SYNJ2: variants seen among roughly 807,000 people sequenced by gnomAD.
The protein encoded by SYNJ2 is synaptojanin 2, also known as polyphosphatidylinositol phosphatase SYNJ2.
SYNJ2 carries 116 observed loss-of-function variants against 141.3 expected under a neutral mutation model. That is an observed-to-expected ratio of 0.82 (90% CI 0.71 to 0.96). The LOEUF (loss-of-function observed/expected upper bound fraction) is 0.96, where lower values mean the gene tolerates loss of function less well. Ranked by LOEUF, SYNJ2 falls within the 40% of genes least tolerant of loss-of-function variation. The probability of loss-of-function intolerance (pLI) is 0.00; values close to 1 mark genes in which losing one functional copy is unlikely to be tolerated. For synonymous variants in SYNJ2, 745 were observed against 777.7 expected (o/e 0.96, Z 0.70); for missense variants, 1,873 against 1,934.8 (o/e 0.97, Z 0.60).
chr6:158,080,976 C>A, intron 18 of SYNJ2, 133 bp from the exon 19 acceptor site: 1 of 804,778 alleles, frequency 1.2e-6, no homozygotes, highest in Non-Finnish European at 2.1e-6. Flanking sequence ...TTACAAAGAG[C>A]CCTGGGGGAC....
At chr6:158,061,279 G>A (rs1781200428) in intron 7 of SYNJ2, among the ~76,000 whole-genome samples, 2 of 152,234 alleles carry the variant, frequency 1.3e-5, no homozygotes, top group African/African-American at 4.8e-5. Flanking sequence ...AAGCCGGGTG[G>A]CCTGGGTAGG....
chr6:158,090,688 G>A (rs982096360), intron 25 of SYNJ2, among the ~76,000 whole-genome samples: 1 of 151,730 alleles, frequency 6.6e-6, no homozygotes, highest in African/African-American at 2.4e-5. Context: ...GGGACTACAG[G>A]CGCGCAGCCC....
chr6:158,039,180 T>C (rs1463812695), intron 4 of SYNJ2, among the ~76,000 whole-genome samples: 5 of 152,254 alleles, frequency 3.3e-5, no homozygotes, highest in Non-Finnish European at 7.3e-5. Flanking sequence ...TTTTTGTTTA[T>C]GTCACTTTAT....
At chr6:158,064,381 CAG>C (rs1341482623) in intron 9 of SYNJ2, among the ~76,000 whole-genome samples, 1 of 151,902 alleles carries the variant, frequency 6.6e-6, no homozygotes, top group Non-Finnish European at 1.5e-5. Flanking sequence ...GTTCAAGTGT[CAG>C]GGGGTGAGAG....
At chr6:158,088,888 A>C in intron 24 of SYNJ2, 116 bp downstream of exon 24, 1 of 726,928 alleles carries the variant, frequency 1.4e-6, no homozygotes, top group Non-Finnish European at 2.3e-6. Context: ...CCTGCTCACC[A>C]TCTCATCTCC....
At position 158,076,750 on chromosome 6, in the gene SYNJ2, G is replaced by T. The variant is rs1782320707; in HGVS notation, c.2417G>T (p.Trp806Leu). ...RTPAWTDRVL[W>L]WRKKHPFDKT... ...CCCGCCTGGACAGACAGGGTGCTGT[G>T]GTGGAGGAAGAAACATCCCTTTGAT... is the stretch of plus-strand genomic sequence containing the variant. The change falls in exon 17 of 27, where the codon TGG (tryptophan) becomes TTG (leucine). Residue 806 changes from tryptophan (W) to leucine (L), a missense_variant. By Grantham distance (61) the Trp-to-Leu change is moderately conservative (BLOSUM62 -2). Coordinates refer to ENST00000355585, the MANE Select transcript of SYNJ2 (RefSeq NM_003898.4). The T allele has an allele frequency of 2.5e-6, 4 of 1,613,754 alleles. No homozygotes were observed. The highest frequency in any genetic ancestry group is 2.5e-6 in the Non-Finnish European group (3 of 1,179,846).
rs561173627 is a variant in SYNJ2, at chr6:158,049,073, G to C, written c.795+5674G>C. ...TGGAGGTGCTGTCTGCGATCCTTGGGCCTCTTGAGTGCTGATCGAGACTCT... is the reference window on the plus strand; with the variant it reads ...TGGAGGTGCTGTCTGCGATCCTTGGCCCTCTTGAGTGCTGATCGAGACTCT... On this transcript the variant is annotated intron_variant, in intron 5 of 26. Coordinates refer to ENST00000355585, the MANE Select transcript of SYNJ2 (RefSeq NM_003898.4). Among the ~76,000 whole-genome samples, 4 of 152,226 alleles carry C rather than the reference G, an allele frequency of 2.6e-5. No individual in the cohort carries two copies. In the South Asian group the frequency reaches 8.3e-4, roughly 32 times the overall value.
At chr6:158,028,545 C>T (rs947374921) in intron 2 of SYNJ2, 1 of 619,130 alleles carries the variant, frequency 1.6e-6, no homozygotes, top group Non-Finnish European at 2.8e-6. Flanking sequence ...ACTTGCTGGC[C>T]AGGGTCCCAC....
chr6:158,019,223 G>A (rs985269171), intron 2 of SYNJ2, among the ~76,000 whole-genome samples: 2 of 152,160 alleles, frequency 1.3e-5, no homozygotes, highest in Non-Finnish European at 2.9e-5. Flanking sequence ...ACTGGGATTC[G>A]ACGAATTACA....
At chr6:158,067,614 T>C (rs1280546550) in intron 12 of SYNJ2, 1 of 985,402 alleles carries the variant, frequency 1.0e-6, no homozygotes, top group African/African-American at 1.7e-5. Context: ...TGGTTCAGGT[T>C]TTTGCCTGTT....
At position 158,095,950 on chromosome 6, in the gene SYNJ2, CACTT is replaced by C. The variant is rs758423505; in HGVS notation, c.4080_4083del (p.Tyr1361IlefsTer39). 40 of 1,614,042 alleles carry C rather than the reference CACTT, an allele frequency of 2.5e-5. No homozygotes were observed. The Admixed American group carries it at 6.5e-4, about 26-fold the overall frequency. Reference sequence around the variant, plus strand: ...GCAACAGCCAGCTTCTCCAGGGCCTCACTTACAATAGCAGTGACAGCCCCTCTGG... The same window carrying C: ...GCAACAGCCAGCTTCTCCAGGGCCTCACAATAGCAGTGACAGCCCCTCTGG... On this transcript the variant is annotated frameshift_variant, in exon 27 of 27. Transcript: ENST00000355585. LOFTEE classifies it low-confidence loss of function (END_TRUNC).
At position 158,098,165 on chromosome 6, in the gene SYNJ2, G is replaced by A. The variant is rs973070207; in HGVS notation, c.*1801G>A. Reference sequence around the variant, plus strand: ...TATAACCTCTTTTCTCACCAAAAAGGAGATAAATTTGAAAACAGATAAATG... The same window carrying A: ...TATAACCTCTTTTCTCACCAAAAAGAAGATAAATTTGAAAACAGATAAATG... On this transcript the variant is annotated 3_prime_UTR_variant, in exon 27 of 27. Coordinates refer to ENST00000355585, the MANE Select transcript of SYNJ2 (RefSeq NM_003898.4). 5.9e-5 allele frequency: 9 copies of A among 152,160 alleles called. No homozygotes were observed. Among genetic ancestry groups the A allele is most frequent in the Non-Finnish European group, 1.3e-4 (9 of 68,012 alleles). 9.4% of individuals were successfully genotyped at this position (152,160 alleles called of 1,614,324 possible).
Position 158,027,450 on chromosome 6 carries a change from G to C in SYNJ2, c.215-1306G>C, listed in dbSNP as rs1404328371. 6.5e-6 allele frequency: 1 copy of C among 153,856 alleles called. No individual in the cohort carries two copies. The highest frequency in any genetic ancestry group is 1.4e-5 in the Non-Finnish European group (1 of 69,566). The allele number at this position is 153,856 out of a possible 1,614,324, so 9.5% of individuals were successfully genotyped here. On this transcript the variant is annotated intron_variant, in intron 2 of 26. Coordinates refer to ENST00000355585, the MANE Select transcript of SYNJ2 (RefSeq NM_003898.4). The surrounding 1 kb of genome is among the most constrained non-coding windows in gnomAD (Gnocchi z 4.6). The stretch of plus-strand genomic sequence containing the variant: ...CCACCAGGCACCCCCGATACGCAGC[G>C]TGTTGTGAAGTGCCCTTGTGAGCAG...
chr6:158,095,974 C>T lies in SYNJ2; in HGVS notation c.4101C>T (p.Pro1367=), dbSNP rs1408969440. ...TCACTTACAATAGCAGTGACAGCCC[C>T]TCTGGGCACCCACCTGCCGCGGGCA... ...QGLTYNSSDS[P]SGHPPAAGTV... Residue 1367 remains proline, a synonymous_variant, in exon 27 of 27, where the codon CCC becomes CCT. Transcript: ENST00000355585. 3 of 1,614,082 alleles carry T rather than the reference C, an allele frequency of 1.9e-6. No individual in the cohort carries two copies. The highest frequency in any genetic ancestry group is 1.3e-5 in the African/African-American group (1 of 74,952).
At chr6:158,000,489 A>G (rs1777804535) in intron 1 of SYNJ2, among the ~76,000 whole-genome samples, 1 of 152,126 alleles carries the variant, frequency 6.6e-6, no homozygotes, top group Non-Finnish European at 1.5e-5. Flanking sequence ...CCTCTAACCC[A>G]GGTGAGAAAA....
At chr6:158,037,262 G>A (rs1346701045) in intron 4 of SYNJ2, among the ~76,000 whole-genome samples, 6 of 149,692 alleles carry the variant, frequency 4.0e-5, no homozygotes, top group Non-Finnish European at 7.4e-5. Flanking sequence ...TGACCGCCCC[G>A]GCTCTTGGTG....
At chr6:158,011,482 A>G (rs1330072844) in intron 1 of SYNJ2, among the ~76,000 whole-genome samples, 1 of 152,172 alleles carries the variant, frequency 6.6e-6, no homozygotes, top group East Asian at 1.9e-4. Flanking sequence ...TCAGAGGTAA[A>G]GCTGTTTTTC....
intron 4 of SYNJ2, among the ~76,000 whole-genome samples, chr6:158,035,969 A>G (rs1437382226): frequency 7.7e-6 from 1 of 130,234 alleles, no homozygotes; most frequent in African/African-American, 4.3e-5. Flanking sequence ...ATTTCCAAGA[A>G]AAAAAAAAAA....
intron 1 of SYNJ2, among the ~76,000 whole-genome samples, chr6:157,993,895 A>C (rs1777548687): frequency 7.3e-6 from 1 of 136,406 alleles, no homozygotes; most frequent in Admixed American, 8.4e-5. Context: ...GCTCACTGCA[A>C]GCTCCGCCTC....
Sources: gnomAD v4.1 joint callset for allele counts (sites outside exome capture counted in the v4.1 genomes callset) on GRCh38, gnomAD v4.1.1 for gene constraint, Gnocchi (gnomAD v3.1) non-coding constraint, MANE v1.5 for transcripts, NCBI Gene and HGNC (gene_info 2026-07-23, HGNC 2026-07-21) for gene names.